The following ZEB1 variants were observed in gnomAD, a reference collection of about 807,000 sequenced individuals.
ZEB1 encodes zinc finger E-box binding homeobox 1, also known as zinc finger E-box-binding homeobox 1.
Under a neutral mutation model 84.9 loss-of-function variants are expected in ZEB1, and 21 were observed. The ratio of observed to expected loss-of-function variants is 0.25; its 90% CI spans 0.18 to 0.36. The LOEUF (loss-of-function observed/expected upper bound fraction) is 0.36, where lower values mean the gene tolerates loss of function less well. Among genes scored for constraint, ZEB1 ranks in the 10% least tolerant of loss-of-function variants. ZEB1 has a pLI of 1.00. For synonymous variants in ZEB1, 420 were observed against 471.1 expected (o/e 0.89, Z 1.41); for missense variants, 1,104 against 1,330.2 (o/e 0.83, Z 2.65).
intron 2 of ZEB1, among the ~76,000 whole-genome samples, chr10:31,468,205 C>T (rs2062686364): frequency 6.6e-6 from 1 of 152,160 alleles, no homozygotes; most frequent in South Asian, 2.1e-4. Context: ...CCCAGCTTTG[C>T]CCCCTCTAGC....
At chr10:31,506,953 T>C (rs1355726047) in intron 4 of ZEB1, among the ~76,000 whole-genome samples, 1 of 152,136 alleles carries the variant, frequency 6.6e-6, no homozygotes, top group Non-Finnish European at 1.5e-5. Context: ...GTTTTCATTA[T>C]GGTAGATATC....
intron 1 of ZEB1, among the ~76,000 whole-genome samples, chr10:31,343,641 A>G (rs1196827389): frequency 6.6e-6 from 1 of 152,124 alleles, no homozygotes; most frequent in African/African-American, 2.4e-5. Flanking sequence ...TTAATCAAAT[A>G]TGTTATAAAA....
intron 1 of ZEB1, among the ~76,000 whole-genome samples, chr10:31,342,169 C>T (rs184570337): frequency 3.6e-4 from 55 of 152,262 alleles, no homozygotes; most frequent in African/African-American, 1.3e-3. Context: ...CAGTGCCTGA[C>T]ATACAGAATA....
intron 1 of ZEB1, among the ~76,000 whole-genome samples, chr10:31,346,412 GT>G (rs2040322720): frequency 6.6e-6 from 1 of 152,158 alleles, no homozygotes; most frequent in Non-Finnish European, 1.5e-5. Flanking sequence ...GATGATGTGA[GT>G]TTAGTGCTTA....
At chr10:31,504,749 C>T (rs1024878941) in intron 4 of ZEB1, among the ~76,000 whole-genome samples, 2 of 151,870 alleles carry the variant, frequency 1.3e-5, no homozygotes, top group South Asian at 2.1e-4. Context: ...ATTTATTTCT[C>T]GTCTAGTTCA....
chr10:31,474,663 G>A (rs1323154350), intron 2 of ZEB1, among the ~76,000 whole-genome samples: 2 of 152,144 alleles, frequency 1.3e-5, no homozygotes, highest in Non-Finnish European at 2.9e-5. Flanking sequence ...CGATTCCTCA[G>A]GGATCTAGAA....
intron 1 of ZEB1, among the ~76,000 whole-genome samples, chr10:31,443,465 G>A (rs1375731307): frequency 6.7e-6 from 1 of 150,266 alleles, no homozygotes; most frequent in African/African-American, 2.5e-5. Context: ...ACATTGTGCA[G>A]GTTAGTTACA....
chr10:31,440,227 G>A (rs1455113273), intron 1 of ZEB1, among the ~76,000 whole-genome samples: 1 of 152,146 alleles, frequency 6.6e-6, no homozygotes, highest in Non-Finnish European at 1.5e-5. Flanking sequence ...AGAAGACTGA[G>A]AGACCAGGAA....
intron 1 of ZEB1, among the ~76,000 whole-genome samples, chr10:31,329,841 A>G (rs2036387579): frequency 6.6e-6 from 1 of 151,808 alleles, no homozygotes; most frequent in African/African-American, 2.4e-5. Flanking sequence ...CCACTTGTAT[A>G]TTTTCCTTTG....
chr10:31,474,727 C>A lies in ZEB1; in HGVS notation c.259+13490C>A, dbSNP rs923420833. Among the ~76,000 whole-genome samples, 3 of 152,140 alleles carry A rather than the reference C, an allele frequency of 2.0e-5. No individual in the cohort carries two copies. The South Asian group carries it at 6.2e-4, about 32-fold the overall frequency. ...CATTACTGGGTATATACCCAAAGGA[C>A]TATAAATCATGCTGCTATAAAGACA... On this transcript the variant is annotated intron_variant, in intron 2 of 8. Transcript: ENST00000424869.
chr10:31,480,718 A>C (rs1367024963), intron 2 of ZEB1, among the ~76,000 whole-genome samples: 1 of 151,974 alleles, frequency 6.6e-6, no homozygotes, highest in Non-Finnish European at 1.5e-5. Context: ...CTTGGTGTAC[A>C]TTTTGTCCTC....
chr10:31,389,915 A>C (rs2049321387), intron 1 of ZEB1, among the ~76,000 whole-genome samples: 1 of 152,170 alleles, frequency 6.6e-6, no homozygotes, highest in African/African-American at 2.4e-5. Context: ...TCAAGTGCTC[A>C]ATAGCCGCAC....
At chr10:31,440,455 G>A (rs1034821120) in intron 1 of ZEB1, among the ~76,000 whole-genome samples, 1 of 152,128 alleles carries the variant, frequency 6.6e-6, no homozygotes, top group Non-Finnish European at 1.5e-5. Context: ...ATATCATACT[G>A]AATGGGCAAA....
At chr10:31,515,496 A>T (rs767267603) in intron 6 of ZEB1, among the ~76,000 whole-genome samples, 2 of 152,104 alleles carry the variant, frequency 1.3e-5, no homozygotes, top group African/African-American at 4.8e-5. Flanking sequence ...TGAATGGGAA[A>T]TTATGGGTTT....
intron 2 of ZEB1, among the ~76,000 whole-genome samples, chr10:31,464,491 A>T (rs1564972503): frequency 6.6e-6 from 1 of 152,248 alleles, no homozygotes; most frequent in Non-Finnish European, 1.5e-5. Context: ...ATTTATAATC[A>T]GTGAAAAACA....
intron 1 of ZEB1, among the ~76,000 whole-genome samples, chr10:31,334,624 A>G (rs905479666): frequency 1.3e-5 from 2 of 152,102 alleles, no homozygotes; most frequent in African/African-American, 4.8e-5. Flanking sequence ...AAAGGAAACA[A>G]TGCAACTAAA....
At position 31,510,803 on chromosome 10, in the gene ZEB1, G is replaced by T. The variant is rs747231330; in HGVS notation, c.615G>T (p.Leu205=). ...ATGAAGATAACTTTAGTTGCTCCCT[G>T]TGCAGTTACACCTTTGCATACAGAA... ...EKNEDNFSCS[L]CSYTFAYRTQ... is the part of the protein sequence containing the mutation. The change falls in exon 5 of 9, where the codon CTG becomes CTT. Residue 205 remains leucine, a synonymous_variant. Transcript: ENST00000424869. 5 of 1,613,848 alleles carry T rather than the reference G, an allele frequency of 3.1e-6. No homozygotes were observed. The Admixed American group carries it at 8.3e-5, about 27-fold the overall frequency.
chr10:31,495,664 C>T, intron 2 of ZEB1, 112 bp from the exon 3 acceptor site: 1 of 1,037,026 alleles, frequency 9.6e-7, no homozygotes, highest in East Asian at 2.4e-5. Flanking sequence ...TACATGTATA[C>T]AATGTGTAAT....
intron 1 of ZEB1, among the ~76,000 whole-genome samples, chr10:31,407,168 A>C (rs180883889): frequency 2.6e-5 from 4 of 151,790 alleles, no homozygotes; most frequent in Admixed American, 2.6e-4. Context: ...ATATGTATAC[A>C]TGTGCCATGC....
Sources: gnomAD v4.1 joint callset for allele counts (sites outside exome capture counted in the v4.1 genomes callset) on GRCh38, gnomAD v4.1.1 for gene constraint, MANE v1.5 for transcripts, NCBI Gene and HGNC (gene_info 2026-07-23, HGNC 2026-07-21) for gene names.